TCAIM: variants seen among roughly 807,000 people sequenced by gnomAD.
TCAIM encodes T-cell activation inhibitor, mitochondrial.
TCAIM carries 36 observed loss-of-function variants against 58.6 expected under a neutral mutation model. That is an observed-to-expected ratio of 0.61 (90% CI 0.47 to 0.81). TCAIM has a LOEUF of 0.81. TCAIM is among the 30% of genes least tolerant of loss of function. TCAIM has a pLI of 0.00. For missense variants in TCAIM, 466 were observed against 579.6 expected, an observed-to-expected ratio of 0.80 and a Z score of 2.01; for synonymous variants, 172 against 193.6, an observed-to-expected ratio of 0.89 and a Z score of 0.93.
intron 5 of TCAIM, among the ~76,000 whole-genome samples, chr3:44,376,023 C>T (rs796873024): frequency 2.6e-4 from 40 of 152,304 alleles, no homozygotes; most frequent in African/African-American, 7.0e-4. Flanking sequence ...ATACTTACTA[C>T]GACATGGATG....
intron 6 of TCAIM, among the ~76,000 whole-genome samples, chr3:44,396,016 A>C (rs1701927742): frequency 6.6e-6 from 1 of 152,258 alleles, no homozygotes. Context: ...TGATAAACCT[A>C]ACTGGAATTC....
intron 3 of TCAIM, chr3:44,358,665 C>T (rs1027068259): frequency 3.5e-5 from 28 of 801,408 alleles, no homozygotes; most frequent in South Asian, 1.1e-4. Context: ...CTTGAGCATT[C>T]GCAGATTTCG....
intron 1 of TCAIM, among the ~76,000 whole-genome samples, chr3:44,347,080 G>A (rs1700985177): frequency 6.6e-6 from 1 of 152,160 alleles, no homozygotes; most frequent in Admixed American, 6.5e-5. Context: ...AGGAGTTGTT[G>A]TTTTGTAGAA....
intron 5 of TCAIM, among the ~76,000 whole-genome samples, chr3:44,375,977 G>T (rs12330888): frequency 0.01 from 1,538 of 152,250 alleles, 24 homozygotes; most frequent in African/African-American, 0.035. Context: ...CCATATAATG[G>T]AATATTATTT....
rs1702119175 is a variant in TCAIM at position 44,407,538 on chromosome 3, G to A, written c.1347G>A (p.Met449Ile). ...YKEPSISSIQ[M>I]VDCCKRLLEQ... ...AGCCCAGCATTTCTAGTATACAAAT[G>A]GTGGATTGTTGTAAGAGACTTCTAG... is the stretch of plus-strand genomic sequence containing the variant. Residue 449 changes from methionine to isoleucine, a missense_variant, in exon 11 of 11, where the codon ATG becomes ATA. Transcript: ENST00000342649. The A allele has an allele frequency of 1.2e-6, 2 of 1,613,754 alleles. No homozygotes were observed. Among genetic ancestry groups the A allele is most frequent in the Non-Finnish European group, 1.7e-6 (2 of 1,179,908 alleles).
intron 2 of TCAIM, among the ~76,000 whole-genome samples, chr3:44,355,723 T>A (rs1223484801): frequency 6.6e-6 from 1 of 152,168 alleles, no homozygotes; most frequent in Non-Finnish European, 1.5e-5. Context: ...TTGAGAAAGG[T>A]GGTACCACAA....
chr3:44,373,820 G>A (rs536170107), intron 5 of TCAIM, among the ~76,000 whole-genome samples: 2 of 152,192 alleles, frequency 1.3e-5, no homozygotes, highest in South Asian at 4.1e-4. Context: ...ATCAAATTAT[G>A]TTAAAACAAA....
intron 1 of TCAIM, among the ~76,000 whole-genome samples, chr3:44,353,131 G>A (rs759852940): frequency 9.9e-5 from 15 of 151,886 alleles, no homozygotes; most frequent in Admixed American, 1.3e-4. Flanking sequence ...GTGTTGGTCA[G>A]GCTGGTCTCT....
At chr3:44,344,483 G>A (rs1700923752) in intron 1 of TCAIM, among the ~76,000 whole-genome samples, 1 of 152,142 alleles carries the variant, frequency 6.6e-6, no homozygotes, top group Non-Finnish European at 1.5e-5. Context: ...CTGGAGTCTG[G>A]GAAATTCAAC....
intron 1 of TCAIM, among the ~76,000 whole-genome samples, chr3:44,351,302 A>G (rs970404717): frequency 1.3e-5 from 2 of 151,224 alleles, no homozygotes; most frequent in Non-Finnish European, 1.5e-5. Flanking sequence ...AGCAAAGAGC[A>G]GGAGAACATG....
At chr3:44,378,556 G>A (rs1350445914) in intron 5 of TCAIM, among the ~76,000 whole-genome samples, 5 of 151,740 alleles carry the variant, frequency 3.3e-5, no homozygotes, top group Admixed American at 6.6e-5. Flanking sequence ...GGTGGCTCAC[G>A]CCTGTAATCC....
At chr3:44,399,718 A>G (rs1322760164) in intron 8 of TCAIM, among the ~76,000 whole-genome samples, 1 of 152,182 alleles carries the variant, frequency 6.6e-6, no homozygotes, top group Non-Finnish European at 1.5e-5. Flanking sequence ...TTAATGTTTA[A>G]GATTGATTAA....
At chr3:44,343,112 A>G (rs1481796541) in intron 1 of TCAIM, among the ~76,000 whole-genome samples, 1 of 151,922 alleles carries the variant, frequency 6.6e-6, no homozygotes, top group East Asian at 1.9e-4. Context: ...ACTATAGCGC[A>G]GGTGACAGAG....
intron 5 of TCAIM, among the ~76,000 whole-genome samples, chr3:44,376,101 A>C (rs1426895023): frequency 6.6e-6 from 1 of 152,238 alleles, no homozygotes; most frequent in Non-Finnish European, 1.5e-5. Flanking sequence ...ATTCCATTTT[A>C]TGTAAAATAC....
intron 4 of TCAIM, chr3:44,362,466 T>C (rs1329091950): frequency 2.5e-6 from 1 of 400,772 alleles, no homozygotes; most frequent in Non-Finnish European, 4.4e-6. Context: ...AATGCTGAAG[T>C]ATGTTGAAGA....
At chr3:44,400,641 G>A in intron 9 of TCAIM, 54 bp downstream of exon 9, 15 of 1,415,314 alleles carry the variant, frequency 1.1e-5, no homozygotes, top group African/African-American at 1.4e-5. Context: ...GGTGGGTTGT[G>A]TGTGTAAATG....
chr3:44,369,348 A>G (rs776279148), intron 5 of TCAIM, among the ~76,000 whole-genome samples: 3 of 152,358 alleles, frequency 2.0e-5, no homozygotes, highest in Non-Finnish European at 2.9e-5. Context: ...GATTGAATAC[A>G]TCAAGCCAAA....
chr3:44,399,196 T>C (rs1701985371), intron 8 of TCAIM, among the ~76,000 whole-genome samples: 1 of 152,200 alleles, frequency 6.6e-6, no homozygotes, highest in African/African-American at 2.4e-5. Context: ...ATGAATTGTA[T>C]CAATGTCAAT....
chr3:44,355,557 CTAAT>C (rs1488804120), intron 2 of TCAIM, among the ~76,000 whole-genome samples: 3 of 152,134 alleles, frequency 2.0e-5, no homozygotes, highest in African/African-American at 7.2e-5. Context: ...GCAGAGTAGA[CTAAT>C]TATGTACAGT....
Sources: allele counts gnomAD v4.1 joint callset (sites outside exome capture counted in the v4.1 genomes callset), GRCh38; gene constraint gnomAD v4.1.1; transcripts MANE v1.5; gene names NCBI Gene and HGNC (gene_info 2026-07-23, HGNC 2026-07-21).